The following OVOL2 variants were observed in gnomAD, a reference collection of about 807,000 sequenced individuals.
OVOL2 encodes the protein transcription factor Ovo-like 2.
A neutral mutation model predicts 18.1 loss-of-function variants in OVOL2; 13 were observed. That is an observed-to-expected ratio of 0.72 (90% CI 0.47 to 1.14). OVOL2 has a LOEUF of 1.14. Among genes scored for constraint, OVOL2 ranks in the 50% most tolerant of loss-of-function variants. The probability of loss-of-function intolerance (pLI) is 0.00; values close to 1 mark genes in which losing one functional copy is unlikely to be tolerated. For synonymous variants in OVOL2, 166 were observed against 162.7 expected (o/e 1.02, Z -0.16); for missense variants, 335 against 383.0 (o/e 0.87, Z 1.05).
intron 3 of OVOL2, among the ~76,000 whole-genome samples, chr20:18,027,538 A>AT (rs1301300949): frequency 6.6e-6 from 1 of 151,962 alleles, no homozygotes; most frequent in East Asian, 1.9e-4. Context: ...CAAAAAAAAA[A>AT]AAAATAAGTA....
In OVOL2 at chr20:18,041,574, G is replaced by T. The variant is rs553869449; in HGVS notation, c.471C>A (p.Asn157Lys). Residue 157 changes from asparagine to lysine, a missense_variant, in exon 3 of 4, where the codon AAC (asparagine) becomes AAA (lysine). By Grantham distance (94) the Asn-to-Lys change is moderately conservative. Transcript: ENST00000278780. ...HLCTFCGKGF[N>K]DTFDLKRHVR... ...CGTGCCTCTTCAGGTCGAAGGTGTC[G>T]TTGAAGCCCTTGCCGCAGAAGGTGC... 1 of 1,614,058 alleles carries T rather than the reference G, an allele frequency of 6.2e-7. No homozygotes were observed. Among genetic ancestry groups the T allele is most frequent in the South Asian group, 1.1e-5 (1 of 91,076 alleles).
chr20:18,039,179 T>C (rs574600013), intron 3 of OVOL2, among the ~76,000 whole-genome samples: 1 of 152,360 alleles, frequency 6.6e-6, no homozygotes, highest in Non-Finnish European at 1.5e-5. Context: ...TAGTGACTTC[T>C]AGTGGCTGGA....
At chr20:18,033,506 G>T (rs1161776760) in intron 3 of OVOL2, among the ~76,000 whole-genome samples, 7 of 152,202 alleles carry the variant, frequency 4.6e-5, no homozygotes, top group Non-Finnish European at 8.8e-5. Context: ...ACCTGTTTAT[G>T]GCCCTTTACG....
At chr20:18,039,468 A>G (rs1323572747) in intron 3 of OVOL2, among the ~76,000 whole-genome samples, 2 of 152,004 alleles carry the variant, frequency 1.3e-5, no homozygotes, top group African/African-American at 2.4e-5. Context: ...CAAAAAATAC[A>G]AAATACAAAA....
At chr20:18,030,628 C>A (rs541316552) in intron 3 of OVOL2, among the ~76,000 whole-genome samples, 1 of 152,272 alleles carries the variant, frequency 6.6e-6, no homozygotes, top group Non-Finnish European at 1.5e-5. Flanking sequence ...ATTCCAAAGC[C>A]CTGCATCATG....
rs1025892774 is a variant in OVOL2 at position 18,057,467 on chromosome 20, G to A, written c.100+68C>T. On this transcript the variant is annotated intron_variant, in intron 1 of 3. Coordinates refer to ENST00000278780, the MANE Select transcript of OVOL2 (RefSeq NM_021220.4). The surrounding 1 kb of genome is among the most constrained non-coding windows in gnomAD (Gnocchi z 6.3). ...GAGCCCGCCCCTGCCGATGAGCAGA[G>A]AAGACCCGCCACCCCTTCCCCCACC... is the stretch of plus-strand genomic sequence containing the variant. The A allele has an allele frequency of 4.6e-6, 7 of 1,512,192 alleles. No homozygotes were observed. In the Admixed American group the frequency reaches 1.2e-4, roughly 26 times the overall value. The allele number at this position is 1,512,192 out of a possible 1,614,324, so 93.7% of individuals were successfully genotyped here.
intron 2 of OVOL2, among the ~76,000 whole-genome samples, chr20:18,055,774 G>T (rs780536479): frequency 2.6e-5 from 4 of 152,202 alleles, no homozygotes; most frequent in Non-Finnish European, 5.9e-5. Flanking sequence ...GGGTCTAGGG[G>T]GTGCACAGTG....
chr20:18,050,914 G>T (rs1353339458), intron 2 of OVOL2, among the ~76,000 whole-genome samples: 1 of 152,154 alleles, frequency 6.6e-6, no homozygotes, highest in African/African-American at 2.4e-5. Flanking sequence ...CAGGAAAATG[G>T]GCAGCAGGTT....
At chr20:18,033,645 C>G (rs562563864) in intron 3 of OVOL2, among the ~76,000 whole-genome samples, 1 of 152,346 alleles carries the variant, frequency 6.6e-6, no homozygotes, top group African/African-American at 2.4e-5. Flanking sequence ...ACATCGGGCA[C>G]TTCCGAAGCA....
chr20:18,033,674 A>T (rs1483476171), intron 3 of OVOL2, among the ~76,000 whole-genome samples: 1 of 152,334 alleles, frequency 6.6e-6, no homozygotes, highest in East Asian at 1.9e-4. Context: ...CATTTCCTGC[A>T]TGCTCGCTCC....
intron 3 of OVOL2, among the ~76,000 whole-genome samples, chr20:18,028,118 C>A (rs2036536592): frequency 6.6e-6 from 1 of 152,184 alleles, no homozygotes; most frequent in African/African-American, 2.4e-5. Flanking sequence ...GCCTCAGGGA[C>A]CCCAGGCACT....
chr20:18,031,325 T>A (rs2036568595), intron 3 of OVOL2, among the ~76,000 whole-genome samples: 2 of 152,180 alleles, frequency 1.3e-5, no homozygotes, highest in African/African-American at 4.8e-5. Context: ...CTCAATGGGA[T>A]ACAGCTCAAC....
intron 3 of OVOL2, among the ~76,000 whole-genome samples, chr20:18,033,664 C>T (rs954373702): frequency 4.6e-5 from 7 of 152,200 alleles, no homozygotes; most frequent in Non-Finnish European, 1.0e-4. Context: ...CAATAGTCTG[C>T]ATTTCCTGCA....
chr20:18,044,812 G>A (rs1389375523), intron 2 of OVOL2, among the ~76,000 whole-genome samples: 1 of 152,148 alleles, frequency 6.6e-6, no homozygotes, highest in African/African-American at 2.4e-5. Context: ...GAAGAAAAGG[G>A]GTGCACAGCA....
chr20:18,033,183 T>A (rs548092568), intron 3 of OVOL2, among the ~76,000 whole-genome samples: 2 of 152,334 alleles, frequency 1.3e-5, no homozygotes, highest in South Asian at 4.1e-4. Flanking sequence ...TTTTCTCTTC[T>A]TTAATCAAGA....
chr20:18,047,050 G>A (rs2036729273), intron 2 of OVOL2, among the ~76,000 whole-genome samples: 1 of 151,966 alleles, frequency 6.6e-6, no homozygotes, highest in Non-Finnish European at 1.5e-5. Context: ...GGTATTAGAT[G>A]ATCTCTTCAG....
At chr20:18,038,935 C>T (rs1278605003) in intron 3 of OVOL2, among the ~76,000 whole-genome samples, 4 of 152,140 alleles carry the variant, frequency 2.6e-5, no homozygotes, top group South Asian at 2.1e-4. Flanking sequence ...CCTATGGATC[C>T]TCCACCTCTC....
intron 2 of OVOL2, among the ~76,000 whole-genome samples, chr20:18,051,929 G>A (rs535300002): frequency 4.6e-5 from 7 of 152,036 alleles, no homozygotes; most frequent in African/African-American, 7.2e-5. Context: ...TAATAGAGTC[G>A]GGGTTTCAAC....
At chr20:18,028,000 T>C (rs1397668185) in intron 3 of OVOL2, among the ~76,000 whole-genome samples, 4 of 151,530 alleles carry the variant, frequency 2.6e-5, no homozygotes, top group East Asian at 1.9e-4. Flanking sequence ...TGGGGGTGCA[T>C]GGAGCATGAA....
Sources: gnomAD v4.1 joint callset for allele counts (sites outside exome capture counted in the v4.1 genomes callset) on GRCh38, gnomAD v4.1.1 for gene constraint, Gnocchi (gnomAD v3.1) non-coding constraint, MANE v1.5 for transcripts, NCBI Gene and HGNC (gene_info 2026-07-23, HGNC 2026-07-21) for gene names.